The following FCER1G variants were observed in gnomAD, a reference collection of about 807,000 sequenced individuals.
The protein encoded by FCER1G is Fc epsilon receptor Ig, also known as high affinity immunoglobulin epsilon receptor subunit gamma.
A neutral mutation model predicts 17.3 loss-of-function variants in FCER1G; 7 were observed. The ratio of observed to expected loss-of-function variants is 0.40; its 90% CI spans 0.23 to 0.76. The LOEUF (loss-of-function observed/expected upper bound fraction) is 0.76, where lower values mean the gene tolerates loss of function less well. FCER1G is among the 30% of genes least tolerant of loss of function. FCER1G has a pLI of 0.35. For missense variants in FCER1G, 87 were observed against 97.7 expected, an observed-to-expected ratio of 0.89 and a Z score of 0.46; for synonymous variants, 35 against 38.7, an observed-to-expected ratio of 0.90 and a Z score of 0.35.
At chr1:161,218,490 A>G (rs1398487792) in intron 3 of FCER1G, among the ~76,000 whole-genome samples, 1 of 152,150 alleles carries the variant, frequency 6.6e-6, no homozygotes, top group African/African-American at 2.4e-5. Context: ...GATAAAGAAT[A>G]TGTGAGAGAC....
At chr1:161,218,842 G>A in intron 4 of FCER1G, 39 bp from the exon 5 acceptor site, 1 of 1,599,512 alleles carries the variant, frequency 6.3e-7, no homozygotes, top group Non-Finnish European at 8.6e-7. Context: ...GCCTCTGATG[G>A]ACTCCAGCTC....
chr1:161,216,311 CAAA>C (rs1221106528), intron 1 of FCER1G, among the ~76,000 whole-genome samples: 1 of 102,650 alleles, frequency 9.7e-6, no homozygotes, highest in Admixed American at 1.0e-4. Context: ...GACTCCGTCT[CAAA>C]AAAAAAAAAA....
intron 3 of FCER1G, 70 bp from the exon 4 acceptor site, chr1:161,218,633 G>A (rs1213111759): frequency 7.0e-6 from 11 of 1,564,364 alleles, no homozygotes; most frequent in Non-Finnish European, 8.8e-6. Context: ...GCCTCCCTGG[G>A]TGGGGCAGAT....
At position 161,216,360 on chromosome 1, in the gene FCER1G, AT is replaced by A. The variant is rs1558089251; in HGVS notation, c.49+991del. On this transcript the variant is annotated intron_variant, in intron 1 of 4. Transcript: ENST00000289902. ...TATATATCTCTATCTATCTATCTATATACACACACACACACATACACACACA... is the reference window on the plus strand; with the variant it reads ...TATATATCTCTATCTATCTATCTATAACACACACACACACATACACACACA... Among the ~76,000 whole-genome samples, 197 of 146,652 alleles carry A rather than the reference AT, an allele frequency of 1.3e-3. No homozygotes were observed. In the Middle Eastern group the frequency reaches 0.021, roughly 15 times the overall value.
chr1:161,218,679 G>T (rs1238756697), intron 3 of FCER1G, 24 bp from the exon 4 acceptor site: 1 of 1,613,978 alleles, frequency 6.2e-7, no homozygotes, highest in Non-Finnish European at 8.5e-7. Context: ...GGTCTTTAAT[G>T]TTTTGCTTCT....
chr1:161,216,363 CACACACACACACAT>C (rs1666047580), intron 1 of FCER1G, among the ~76,000 whole-genome samples: 1 of 137,494 alleles, frequency 7.3e-6, no homozygotes, highest in Non-Finnish European at 1.5e-5. Flanking sequence ...TATCTATATA[CACACACACACACAT>C]ACACACACAC....
chr1:161,218,144 G>C (rs983381945), intron 2 of FCER1G, 67 bp downstream of exon 2: 37 of 1,534,150 alleles, frequency 2.4e-5, no homozygotes, highest in Non-Finnish European at 3.1e-5. Context: ...GCAAGGATTC[G>C]AAGAGAAGGA....
chr1:161,217,772 T>C (rs75382076), intron 1 of FCER1G, among the ~76,000 whole-genome samples: 2,080 of 152,246 alleles, frequency 0.014, 57 homozygotes, highest in African/African-American at 0.047. Context: ...CCCATTTCAA[T>C]AGAACCCTCA....
Position 161,218,270 on chromosome 1 carries a change from C to T in FCER1G, c.171C>T (p.Ser57=). ...KIQVRKAAIT[S]YEKSDGVYTG... is the part of the protein sequence containing the mutation. ...AAGTGCGAAAGGCAGCTATAACCAG[C>T]TATGAGGTATGGACCCTCCTACACC... Residue 57 remains serine, a synonymous_variant, in exon 3 of 5, where the codon AGC becomes AGT. Coordinates refer to ENST00000289902, the MANE Select transcript of FCER1G (RefSeq NM_004106.2). 3.7e-6 allele frequency: 6 copies of T among 1,613,568 alleles called. No individual in the cohort carries two copies. Among genetic ancestry groups the T allele is most frequent in the Non-Finnish European group, 5.1e-6 (6 of 1,179,480 alleles).
At chr1:161,218,105 C>T (rs778468614) in intron 2 of FCER1G, 28 bp downstream of exon 2, 1 of 1,577,338 alleles carries the variant, frequency 6.3e-7, no homozygotes, top group African/African-American at 1.3e-5. Flanking sequence ...GGGGTAAGGG[C>T]TGGAAGGGGA....
Position 161,219,025 on chromosome 1 carries a change from C to A in FCER1G, c.*82C>A. On this transcript the variant is annotated 3_prime_UTR_variant, in exon 5 of 5. Transcript: ENST00000289902. The stretch of plus-strand genomic sequence containing the variant: ...GGTTGGCATCACATATGCCTGCATG[C>A]CATTAACACCAGCTGGCCCTACCCC... The A allele has an allele frequency of 2.0e-6, 2 of 1,005,638 alleles. No individual in the cohort carries two copies. Among genetic ancestry groups the A allele is most frequent in the Non-Finnish European group, 3.2e-6 (2 of 629,530 alleles). 62.3% of individuals were successfully genotyped at this position (1,005,638 alleles called of 1,614,324 possible). A position where few individuals can be genotyped will look rare whatever the true frequency, so the allele number is the denominator to read the frequency against.
chr1:161,217,725 C>T (rs1666077442), intron 1 of FCER1G, among the ~76,000 whole-genome samples: 1 of 152,136 alleles, frequency 6.6e-6, no homozygotes, highest in Admixed American at 6.5e-5. Flanking sequence ...AGGTTGGGGG[C>T]TGAGGGGGAA....
chr1:161,215,488 A>C (rs941768586), intron 1 of FCER1G, 118 bp downstream of exon 1: 7 of 883,080 alleles, frequency 7.9e-6, no homozygotes, highest in Non-Finnish European at 1.3e-5. Context: ...AGGTGGGCAT[A>C]GGGAGACCCT....
intron 1 of FCER1G, among the ~76,000 whole-genome samples, chr1:161,216,425 TATAGAGAG>T (rs1273327517): frequency 2.1e-5 from 3 of 140,782 alleles, no homozygotes; most frequent in East Asian, 4.4e-4. Flanking sequence ...TATATATATA[TATAGAGAG>T]AGAGAGAGAG....
In FCER1G at chr1:161,217,741, C is replaced by T. The variant is rs915567725; in HGVS notation, c.50-245C>T. Among the ~76,000 whole-genome samples the T allele has an allele frequency of 3.3e-5, 5 of 152,238 alleles. No individual in the cohort carries two copies. In the South Asian group the frequency reaches 8.3e-4, roughly 25 times the overall value. On this transcript the variant is annotated intron_variant, in intron 1 of 4. Transcript: ENST00000289902. Reference sequence around the variant, plus strand: ...GGTTGGGGGCTGAGGGGGAAGGCCTCAATTATTAGTCCGTGTGAGTCCCAT... The same window carrying T: ...GGTTGGGGGCTGAGGGGGAAGGCCTTAATTATTAGTCCGTGTGAGTCCCAT...
At chr1:161,216,718 T>C (rs1470645920) in intron 1 of FCER1G, among the ~76,000 whole-genome samples, 1 of 152,180 alleles carries the variant, frequency 6.6e-6, no homozygotes. Flanking sequence ...CACTCTGTGT[T>C]GTCTGTGCTG....
At position 161,216,193 on chromosome 1, in the gene FCER1G, T is replaced by C. The variant is rs530344375; in HGVS notation, c.49+823T>C. Among the ~76,000 whole-genome samples, 7 of 151,996 alleles carry C rather than the reference T, an allele frequency of 4.6e-5. No individual in the cohort carries two copies. In the East Asian group the frequency reaches 1.4e-3, roughly 29 times the overall value. On this transcript the variant is annotated intron_variant, in intron 1 of 4. Transcript: ENST00000289902. ...TACAAAGCACCCTTGGTGCCTATAA[T>C]TCCAGCTACTCAGAAGGCTGAGGCA...
At position 161,218,898 on chromosome 1, in the gene FCER1G, C is replaced by A. The variant is rs779497508; in HGVS notation, c.216C>A (p.Asn72Lys). The A allele has an allele frequency of 6.2e-6, 10 of 1,613,916 alleles. No individual in the cohort carries two copies. The highest frequency in any genetic ancestry group is 8.5e-6 in the Non-Finnish European group (10 of 1,179,868). The change falls in exon 5 of 5, where the codon AAC becomes AAA. Residue 72 changes from asparagine (N) to lysine (K), a missense_variant. Coordinates refer to ENST00000289902, the MANE Select transcript of FCER1G (RefSeq NM_004106.2). ...DGVYTGLSTR[N>K]QETYETLKHE... ...ATCTCCAGGGCCTGAGCACCAGGAACCAGGAGACTTACGAGACTCTGAAGC... is the reference window on the plus strand; with the variant it reads ...ATCTCCAGGGCCTGAGCACCAGGAAACAGGAGACTTACGAGACTCTGAAGC...
At chr1:161,216,352 C>T (rs1274398898) in intron 1 of FCER1G, among the ~76,000 whole-genome samples, 1 of 144,594 alleles carries the variant, frequency 6.9e-6, no homozygotes, top group Non-Finnish European at 1.5e-5. Flanking sequence ...CTCTATCTAT[C>T]TATCTATATA....
Sources: gnomAD v4.1 joint callset for allele counts (sites outside exome capture counted in the v4.1 genomes callset) on GRCh38, gnomAD v4.1.1 for gene constraint, MANE v1.5 for transcripts, NCBI Gene and HGNC (gene_info 2026-07-23, HGNC 2026-07-21) for gene names.